NME3: variants seen among roughly 807,000 people sequenced by gnomAD.
NME3 encodes the protein NME/NM23 nucleoside diphosphate kinase 3, also known as nucleoside diphosphate kinase C.
In NME3, 23 loss-of-function variants were observed where a neutral mutation model predicts 15.8. That is an observed-to-expected ratio of 1.45 (90% CI 1.05 to 2.06). NME3 has a LOEUF of 2.06. Ranked by LOEUF, NME3 falls within the 30% of genes most tolerant of loss-of-function variation. The pLI is 0.00. For missense variants in NME3, 354 were observed against 243.2 expected (o/e 1.46, Z -3.03); for synonymous variants, 157 against 104.4 (o/e 1.50, Z -3.07).
chr16:1,770,907 GC>G lies in NME3; in HGVS notation c.365del (p.Arg122ProfsTer12). 6.3e-7 allele frequency: 1 copy of G among 1,585,624 alleles called. No individual in the cohort carries two copies. Among genetic ancestry groups the G allele is most frequent in the Non-Finnish European group, 8.6e-7 (1 of 1,162,442 alleles). On this transcript the variant is annotated frameshift_variant, in exon 4 of 5. Transcript: ENST00000219302. LOFTEE classifies it low-confidence loss of function (END_TRUNC). The stretch of plus-strand genomic sequence containing the variant: ...TGCCAACCTCGATGCAGAAATCCCC[GC>G]GGATGGTGCCGGGCGGGGCGTCGGC... ...NPADAPPGTI[R>X]GDFCIEVGKN...
intron 1 of NME3, 35 bp from the exon 2 acceptor site, chr16:1,771,445 C>G: frequency 7.1e-7 from 1 of 1,405,698 alleles, no homozygotes; most frequent in Non-Finnish European, 9.2e-7. Flanking sequence ...GTCAGGCCGG[C>G]CCAGCACCGG....
chr16:1,771,047 C>A, intron 3 of NME3, 23 bp downstream of exon 3: 1 of 1,597,650 alleles, frequency 6.3e-7, no homozygotes, highest in Non-Finnish European at 8.5e-7. Flanking sequence ...CCGGAGCCGC[C>A]CGCCCGCTTC....
rs1192938775 is a variant in NME3, at chr16:1,770,379, G to C, written c.*270C>G. 1.0e-5 allele frequency: 4 copies of C among 395,714 alleles called. No individual in the cohort carries two copies. Among genetic ancestry groups the C allele is most frequent in the Admixed American group, 8.4e-5 (2 of 23,928 alleles). 24.5% of individuals were successfully genotyped at this position (395,714 alleles called of 1,614,324 possible). On this transcript the variant is annotated 3_prime_UTR_variant, in exon 5 of 5. Coordinates refer to ENST00000219302, the MANE Select transcript of NME3 (RefSeq NM_002513.3). ...AGGACTTTATTATAAAAAAACGTTG[G>C]ACCACGTTGGGCTGGGCACCAGGAC... is the stretch of plus-strand genomic sequence containing the variant.
In NME3 at chr16:1,770,665, T is replaced by G. The variant is rs2042564639; in HGVS notation, c.494A>C (p.His165Pro). Residue 165 changes from histidine (H) to proline (P), a missense_variant, in exon 5 of 5, where the codon CAC (histidine) becomes CCC (proline). By Grantham distance (77) the His-to-Pro change is moderately conservative. Transcript: ENST00000219302. ...ELLCWEDSAGHWLYE is the reference protein window; with the variant it reads ...ELLCWEDSAGPWLYE Reference sequence around the variant, plus strand: ...TCTGCCGGGCTACTCATACAGCCAGTGCCCAGCGCTGTCCTCCCAGCAGAG... The same window carrying G: ...TCTGCCGGGCTACTCATACAGCCAGGGCCCAGCGCTGTCCTCCCAGCAGAG... 1 of 1,580,056 alleles carries G rather than the reference T, an allele frequency of 6.3e-7. No homozygotes were observed. Among genetic ancestry groups the G allele is most frequent in the South Asian group, 1.1e-5 (1 of 87,380 alleles).
chr16:1,771,072 T>A lies in NME3; in HGVS notation c.277A>T (p.Met93Leu). The A allele has an allele frequency of 3.1e-6, 5 of 1,607,550 alleles. No homozygotes were observed. Among genetic ancestry groups the A allele is most frequent in the Non-Finnish European group, 4.2e-6 (5 of 1,177,272 alleles). The change falls in exon 3 of 5, where the codon ATG (methionine) becomes TTG (leucine). Residue 93 changes from methionine (M) to leucine (L), a missense_variant and splice_region_variant. By Grantham distance (15) the Met-to-Leu change is conservative (BLOSUM62 2). Transcript: ENST00000219302. Reference sequence around the variant, plus strand: ...CCGCCCGCTTCCCGGATACTCACCATGGCCACCACCGGCCCGGAGGCCATA... The same window carrying A: ...CCGCCCGCTTCCCGGATACTCACCAAGGCCACCACCGGCCCGGAGGCCATA... ...KYMASGPVVA[M>L]VWQGLDVVRT...
rs1407575366 is a variant in NME3, at chr16:1,770,542, C to G, written c.*107G>C. On this transcript the variant is annotated 3_prime_UTR_variant, in exon 5 of 5. Coordinates refer to ENST00000219302, the MANE Select transcript of NME3 (RefSeq NM_002513.3). ...CCAGACAGGTGGATGTTCAGCAGCC[C>G]GTCCAAAGGGATGCTCCAAGCGCTG... 1 of 813,128 alleles carries G rather than the reference C, an allele frequency of 1.2e-6. No individual in the cohort carries two copies. The highest frequency in any genetic ancestry group is 1.9e-6 in the Non-Finnish European group (1 of 535,464). 50.4% of individuals were successfully genotyped at this position (813,128 alleles called of 1,614,324 possible). A position where few individuals can be genotyped will look rare whatever the true frequency, so the allele number is the denominator to read the frequency against.
Position 1,771,283 on chromosome 16 carries a change from C to G in NME3, c.174G>C (p.Val58=). The stretch of plus-strand genomic sequence containing the variant: ...CGCTCGCTCACCGCGCCCCCACCTG[C>G]ACCAGCTTCAGCGCCACCAACTTGA... The part of the protein sequence containing the change: ...KGFKLVALKL[V]QASEELLREH... The change falls in exon 2 of 5, where the codon GTG becomes GTC. Residue 58 remains valine, a synonymous_variant. Coordinates refer to ENST00000219302, the MANE Select transcript of NME3 (RefSeq NM_002513.3). 6.2e-7 allele frequency: 1 copy of G among 1,602,998 alleles called. No homozygotes were observed.
chr16:1,771,367 C>G lies in NME3; in HGVS notation c.90G>C (p.Pro30=), dbSNP rs2042597678. ...AHERTFLAVK[P]DGVQRRLVGE... ...CCACCAGCCGCCGCTGCACGCCGTC[C>G]GGCTTCACGGCCAGGAAGGTGCGTT... The change falls in exon 2 of 5, where the codon CCG becomes CCC. Residue 30 remains proline (P), a synonymous_variant. Coordinates refer to ENST00000219302, the MANE Select transcript of NME3 (RefSeq NM_002513.3). The G allele has an allele frequency of 8.9e-6, 14 of 1,576,608 alleles. No homozygotes were observed. The highest frequency in any genetic ancestry group is 1.1e-5 in the Non-Finnish European group (13 of 1,162,766).
chr16:1,770,960 G>A lies in NME3; in HGVS notation c.313C>T (p.Arg105Trp), dbSNP rs570760529. ...GGGTTCGTGGCTCCGATGAGCGCCC[G>A]CGAGGTGCGCACCACGTCCAGCCCC... ...WQGLDVVRTS[R>W]ALIGATNPAD... The change falls in exon 4 of 5, where the codon CGG becomes TGG. Residue 105 changes from arginine (R) to tryptophan (W), a missense_variant. Coordinates refer to ENST00000219302, the MANE Select transcript of NME3 (RefSeq NM_002513.3). 73 of 1,584,942 alleles carry A rather than the reference G, an allele frequency of 4.6e-5. No homozygotes were observed. The Admixed American group carries it at 7.2e-4, about 16-fold the overall frequency.
chr16:1,771,121 C>G lies in NME3; in HGVS notation c.228G>C (p.Pro76=). Residue 76 remains proline (P), a synonymous_variant, in exon 3 of 5, where the codon CCG becomes CCC. Transcript: ENST00000219302. Reference sequence around the variant, plus strand: ...TATACTTGACAAGGCGGCCGTAGAACGGGCGTTCACGCAGCTCGGCGTAGT... The same window carrying G: ...TATACTTGACAAGGCGGCCGTAGAAGGGGCGTTCACGCAGCTCGGCGTAGT... The part of the protein sequence containing the change: ...REHYAELRER[P]FYGRLVKYMA... 1 of 1,609,498 alleles carries G rather than the reference C, an allele frequency of 6.2e-7. No individual in the cohort carries two copies. Among genetic ancestry groups the G allele is most frequent in the Non-Finnish European group, 8.5e-7 (1 of 1,179,164 alleles).
chr16:1,771,522 C>T lies in NME3; in HGVS notation c.13G>A (p.Val5Met), dbSNP rs2042603769. The T allele has an allele frequency of 1.6e-6, 2 of 1,218,624 alleles. No individual in the cohort carries two copies. The highest frequency in any genetic ancestry group is 1.0e-6 in the Non-Finnish European group (1 of 952,826). 75.5% of individuals were successfully genotyped at this position (1,218,624 alleles called of 1,614,324 possible). Reference protein sequence around the residue: MICLVLTIFANLFPA... With the variant: MICLMLTIFANLFPA... The stretch of plus-strand genomic sequence containing the variant: ...AAGAGGTTAGCGAAGATGGTCAGCA[C>T]CAGGCAGATCATGATGGCGGTGCGG... Residue 5 changes from valine (V) to methionine (M), a missense_variant, in exon 1 of 5, where the codon GTG (valine) becomes ATG (methionine). Physicochemically the swap from Val to Met is conservative, Grantham distance 21. Transcript: ENST00000219302.
Position 1,770,744 on chromosome 16 carries a change from AGTCGCTGCCGTGAATCAGGTTC to A in NME3, c.393_414del (p.Lys131AsnfsTer128). ...ATCTCGCGGCGGGCACTCTCCACCG[AGTCGCTGCCGTGAATCAGGTTC>A]CTGCGCGGAAGAGGCGCGTGTGAGC... On this transcript the variant is annotated frameshift_variant and splice_region_variant, in exon 5 of 5. Coordinates refer to ENST00000219302, the MANE Select transcript of NME3 (RefSeq NM_002513.3). LOFTEE classifies it low-confidence loss of function (END_TRUNC). 1.9e-6 allele frequency: 3 copies of A among 1,598,232 alleles called. No homozygotes were observed. Among genetic ancestry groups the A allele is most frequent in the Non-Finnish European group, 2.6e-6 (3 of 1,173,848 alleles).
chr16:1,770,787 T>C (rs1416868975), intron 4 of NME3, 21 bp from the exon 5 acceptor site: 26 of 1,596,274 alleles, frequency 1.6e-5, no homozygotes, highest in Non-Finnish European at 2.0e-5. Context: ...GAGGCGCGTG[T>C]GAGCGTGGGA....
At position 1,771,265 on chromosome 16, in the gene NME3, T is replaced by C. The variant is rs1448054423; in HGVS notation, c.177+15A>G. 6.4e-7 allele frequency: 1 copy of C among 1,565,890 alleles called. No individual in the cohort carries two copies. The highest frequency in any genetic ancestry group is 8.7e-7 in the Non-Finnish European group (1 of 1,150,662). On this transcript the variant is annotated intron_variant, in intron 2 of 4. Coordinates refer to ENST00000219302, the MANE Select transcript of NME3 (RefSeq NM_002513.3). ...CCCCCCACACCGCGCCCCCGCTCGC[T>C]CACCGCGCCCCCACCTGCACCAGCT...
rs1239816638 is a variant in NME3 at position 1,770,715 on chromosome 16, A to C, written c.444T>G (p.Ala148=). 3 of 1,592,214 alleles carry C rather than the reference A, an allele frequency of 1.9e-6. No individual in the cohort carries two copies. Among genetic ancestry groups the C allele is most frequent in the East Asian group, 2.3e-5 (1 of 43,604 alleles). ...DSVESARREI[A]LWFRADELLC... is the part of the protein sequence containing the mutation. ...GGAGCTCGTCTGCGCGGAACCAGAGAGCGATCTCGCGGCGGGCACTCTCCA... is the reference window on the plus strand; with the variant it reads ...GGAGCTCGTCTGCGCGGAACCAGAGCGCGATCTCGCGGCGGGCACTCTCCA... The change falls in exon 5 of 5, where the codon GCT becomes GCG. Residue 148 remains alanine, a synonymous_variant. Transcript: ENST00000219302.
rs1264116887 is a variant in NME3, at chr16:1,770,570, G to A, written c.*79C>T. 2 of 1,089,418 alleles carry A rather than the reference G, an allele frequency of 1.8e-6. No individual in the cohort carries two copies. The highest frequency in any genetic ancestry group is 1.6e-5 in the African/African-American group (1 of 63,720). The allele number at this position is 1,089,418 out of a possible 1,614,324, so 67.5% of individuals were successfully genotyped here. The stretch of plus-strand genomic sequence containing the variant: ...CCAAAGGGATGCTCCAAGCGCTGTG[G>A]GGTGGGGCCAGAAGCCCGCCCACCT... On this transcript the variant is annotated 3_prime_UTR_variant, in exon 5 of 5. Coordinates refer to ENST00000219302, the MANE Select transcript of NME3 (RefSeq NM_002513.3).
chr16:1,771,078 C>A lies in NME3; in HGVS notation c.271G>T (p.Val91Leu), dbSNP rs377760179. The change falls in exon 3 of 5, where the codon GTG becomes TTG. Residue 91 changes from valine to leucine, a missense_variant. Physicochemically the swap from Val to Leu is conservative, Grantham distance 32. Transcript: ENST00000219302. ...LVKYMASGPVVAMVWQGLDVV... is the reference protein window; with the variant it reads ...LVKYMASGPVLAMVWQGLDVV... ...GCTTCCCGGATACTCACCATGGCCA[C>A]CACCGGCCCGGAGGCCATATACTTG... 3 of 1,608,306 alleles carry A rather than the reference C, an allele frequency of 1.9e-6. No homozygotes were observed. The highest frequency in any genetic ancestry group is 2.5e-6 in the Non-Finnish European group (3 of 1,177,738).
rs1280021571 is a variant in NME3, at chr16:1,770,786, G to T, written c.393-20C>A. ...AGGTTCCTGCGCGGAAGAGGCGCGT[G>T]TGAGCGTGGGAAAGAGACCTCCGGC... On this transcript the variant is annotated intron_variant, in intron 4 of 4. Transcript: ENST00000219302. 1 of 1,596,542 alleles carries T rather than the reference G, an allele frequency of 6.3e-7. No homozygotes were observed. The highest frequency in any genetic ancestry group is 1.7e-5 in the Admixed American group (1 of 59,230).
In NME3 at chr16:1,770,746, T is replaced by G. The variant is rs2042569407; in HGVS notation, c.413A>C (p.Asp138Ala). The change falls in exon 5 of 5, where the codon GAC becomes GCC. Residue 138 changes from aspartate to alanine, a missense_variant. Asp to Ala is a moderately radical substitution (Grantham distance 126, BLOSUM62 -2). Transcript: ENST00000219302. ...CTCGCGGCGGGCACTCTCCACCGAGTCGCTGCCGTGAATCAGGTTCCTGCG... is the reference window on the plus strand; with the variant it reads ...CTCGCGGCGGGCACTCTCCACCGAGGCGCTGCCGTGAATCAGGTTCCTGCG... The part of the protein sequence containing the change: ...EVGKNLIHGS[D>A]SVESARREIA... 3.8e-6 allele frequency: 6 copies of G among 1,598,030 alleles called. No individual in the cohort carries two copies. Among genetic ancestry groups the G allele is most frequent in the Non-Finnish European group, 5.1e-6 (6 of 1,173,692 alleles).
Sources: allele counts gnomAD v4.1 joint callset, GRCh38; gene constraint gnomAD v4.1.1; transcripts MANE v1.5; gene names NCBI Gene and HGNC (gene_info 2026-07-23, HGNC 2026-07-21).